Variants in AKAP11 observed in about 807,000 individuals in gnomAD.
AKAP11 encodes A-kinase anchoring protein 11, also known as A-kinase anchor protein 11.
In AKAP11, 36 loss-of-function variants were observed where a neutral mutation model predicts 146.1. The observed-to-expected ratio is 0.25, with a 90% CI of 0.19 to 0.33. The LOEUF is 0.33. AKAP11 is among the 10% of genes least tolerant of loss of function. The pLI is 1.00. For synonymous variants in AKAP11, 780 were observed against 786.5 expected, an observed-to-expected ratio of 0.99 and a Z score of 0.14; for missense variants, 2,201 against 2,197.0, an observed-to-expected ratio of 1.00 and a Z score of -0.04.
Position 42,299,823 on chromosome 13 carries a change from T to G in AKAP11, c.1077T>G (p.Phe359Leu). Residue 359 changes from phenylalanine to leucine, a missense_variant, in exon 8 of 13, where the codon TTT becomes TTG. Physicochemically the swap from Phe to Leu is conservative, Grantham distance 22 (BLOSUM62 0). Transcript: ENST00000025301. ...AAGTAAGTGAATTTTTTGATAGTTTTGATCAGTTTGATGAACTAGAACAAA... is the reference window on the plus strand; with the variant it reads ...AAGTAAGTGAATTTTTTGATAGTTTGGATCAGTTTGATGAACTAGAACAAA... ...DSEVSEFFDS[F>L]DQFDELEQTL... 6.2e-7 allele frequency: 1 copy of G among 1,613,822 alleles called. No homozygotes were observed. The highest frequency in any genetic ancestry group is 8.5e-7 in the Non-Finnish European group (1 of 1,179,874).
chr13:42,315,376 A>G (rs1329027202), intron 11 of AKAP11, among the ~76,000 whole-genome samples: 4 of 152,168 alleles, frequency 2.6e-5, no homozygotes, highest in African/African-American at 9.7e-5. Context: ...TTTGATATTG[A>G]TATTCCCCAC....
chr13:42,290,993 C>T (rs905992202), intron 3 of AKAP11, among the ~76,000 whole-genome samples: 1 of 152,138 alleles, frequency 6.6e-6, no homozygotes, highest in Non-Finnish European at 1.5e-5. Context: ...AAAGGTAGTA[C>T]ATGTATTCAA....
At chr13:42,274,045 A>G (rs186111496) in intron 1 of AKAP11, among the ~76,000 whole-genome samples, 21 of 152,346 alleles carry the variant, frequency 1.4e-4, no homozygotes, top group Non-Finnish European at 2.2e-4. Flanking sequence ...GTAGAAAAAT[A>G]AATTTTTTGG....
At chr13:42,291,366 C>T (rs1049106271) in intron 3 of AKAP11, among the ~76,000 whole-genome samples, 2 of 152,174 alleles carry the variant, frequency 1.3e-5, no homozygotes, top group Admixed American at 6.5e-5. Flanking sequence ...AATTCTTCTG[C>T]CTCAGCCTTC....
Position 42,317,550 on chromosome 13 carries a change from A to G in AKAP11, c.5427A>G (p.Thr1809=), listed in dbSNP as rs754628670. Residue 1809 remains threonine, a synonymous_variant, in exon 12 of 13, where the codon ACA becomes ACG. Transcript: ENST00000025301. The part of the protein sequence containing the change: ...EVEGLGQDGK[T]LLITNIDMEP... ...TAGGTTTGGGGCAAGATGGAAAGAC[A>G]CTGCTAATTACGAATATTGACATGG... The G allele has an allele frequency of 7.4e-6, 12 of 1,613,676 alleles. No individual in the cohort carries two copies. The highest frequency in any genetic ancestry group is 2.2e-5 in the East Asian group (1 of 44,892).
intron 4 of AKAP11, among the ~76,000 whole-genome samples, chr13:42,294,739 G>T (rs1437199707): frequency 1.3e-5 from 2 of 152,026 alleles, no homozygotes; most frequent in African/African-American, 4.8e-5. Context: ...AATACTCAAA[G>T]TAGAACAAAG....
chr13:42,321,275 T>G lies in AKAP11; in HGVS notation c.*2047T>G, dbSNP rs1319148080. On this transcript the variant is annotated 3_prime_UTR_variant, in exon 13 of 13. Transcript: ENST00000025301. ...TGATGATATATTATTTTGTGAAACT[T>G]TGTGTTTGAAAATGTTTATTTCTGT... 2 of 152,350 alleles carry G rather than the reference T, an allele frequency of 1.3e-5. No individual in the cohort carries two copies. The highest frequency in any genetic ancestry group is 1.3e-4 in the Admixed American group (2 of 15,284). The allele number at this position is 152,350 out of a possible 1,614,324, so 9.4% of individuals were successfully genotyped here. A position where few individuals can be genotyped will look rare whatever the true frequency, so the allele number is the denominator to read the frequency against.
At chr13:42,315,679 G>A (rs1282779211) in intron 11 of AKAP11, among the ~76,000 whole-genome samples, 1 of 152,168 alleles carries the variant, frequency 6.6e-6, no homozygotes, top group East Asian at 1.9e-4. Context: ...TAGAAATCAG[G>A]AGATTAATTA....
At position 42,301,493 on chromosome 13, in the gene AKAP11, C is replaced by G; in HGVS notation, c.2747C>G (p.Pro916Arg). ...YLTKSLKEKT[P>R]PFSHCDQAVL... is the part of the protein sequence containing the mutation. ...ACTAAATCTTTAAAGGAGAAAACCC[C>G]TCCATTTTCCCACTGTGATCAGGCA... The change falls in exon 8 of 13, where the codon CCT becomes CGT. Residue 916 changes from proline to arginine, a missense_variant. Physicochemically the swap from Pro to Arg is moderately radical, Grantham distance 103. Transcript: ENST00000025301. The G allele has an allele frequency of 6.2e-7, 1 of 1,613,822 alleles. No individual in the cohort carries two copies. The highest frequency in any genetic ancestry group is 8.5e-7 in the Non-Finnish European group (1 of 1,179,918).
In AKAP11 at chr13:42,299,970, C is replaced by A. The variant is rs761725738; in HGVS notation, c.1224C>A (p.Leu408=). 3.0e-5 allele frequency: 49 copies of A among 1,613,842 alleles called. No individual in the cohort carries two copies. Among genetic ancestry groups the A allele is most frequent in the Non-Finnish European group, 4.2e-5 (49 of 1,179,868 alleles). The stretch of plus-strand genomic sequence containing the variant: ...AATTCAAGTTTGATCGTCCAGCTCT[C>A]CCAGCTAATGTTAGAAAGCCAACTC... ...PQKFKFDRPA[L]PANVRKPTPR... Residue 408 remains leucine (L), a synonymous_variant, in exon 8 of 13, where the codon CTC becomes CTA. Coordinates refer to ENST00000025301, the MANE Select transcript of AKAP11 (RefSeq NM_016248.4).
chr13:42,278,998 T>C (rs1274290960), intron 1 of AKAP11, among the ~76,000 whole-genome samples: 1 of 152,138 alleles, frequency 6.6e-6, no homozygotes, highest in African/African-American at 2.4e-5. Flanking sequence ...CCGGTTCATA[T>C]AGATGTGAAG....
rs17063163 is a variant in AKAP11 at position 42,301,955 on chromosome 13, A to G, written c.3209A>G (p.His1070Arg). 7,908 of 1,614,170 alleles carry G rather than the reference A, an allele frequency of 4.9e-3. 31 individuals are homozygous for G. The highest frequency in any genetic ancestry group is 5.6e-3 in the Non-Finnish European group (6,575 of 1,180,012). ...FGQENPFPHS[H>R]TFSSTALTCV... ...CAGGAAAACCCCTTTCCTCATTCAC[A>G]TACTTTCTCATCTACAGCACTTACC... Residue 1070 changes from histidine to arginine, a missense_variant, in exon 8 of 13, where the codon CAT becomes CGT. His to Arg is a conservative substitution (Grantham distance 29, BLOSUM62 0). This residue lies in a region of AKAP11 where 1,867 missense variants were observed against 1,833.5 expected (regional missense o/e 1.02). Transcript: ENST00000025301.
At chr13:42,287,477 G>T (rs536556736) in intron 3 of AKAP11, among the ~76,000 whole-genome samples, 1 of 151,846 alleles carries the variant, frequency 6.6e-6, no homozygotes, top group Admixed American at 6.6e-5. Flanking sequence ...GTAGAGACGG[G>T]GTTTCACCGT....
At chr13:42,296,690 A>G (rs754761364) in intron 5 of AKAP11, among the ~76,000 whole-genome samples, 51 of 151,262 alleles carry the variant, frequency 3.4e-4, no homozygotes, top group Non-Finnish European at 6.5e-4. Flanking sequence ...CTAGCAAAAA[A>G]TTTTGTATGA....
chr13:42,319,940 T>A lies in AKAP11; in HGVS notation c.*712T>A, dbSNP rs1378251655. On this transcript the variant is annotated 3_prime_UTR_variant, in exon 13 of 13. Coordinates refer to ENST00000025301, the MANE Select transcript of AKAP11 (RefSeq NM_016248.4). ...GTGTGTGTGTGTGTGTGTGTGTGTG[T>A]GTGTGTGTGTAAGGGAGTACTTTAA... is the stretch of plus-strand genomic sequence containing the variant. The A allele has an allele frequency of 6.6e-6, 1 of 151,326 alleles. No homozygotes were observed. The highest frequency in any genetic ancestry group is 2.5e-5 in the African/African-American group (1 of 40,616). The allele number at this position is 151,326 out of a possible 1,614,324, so 9.4% of individuals were successfully genotyped here. A position where few individuals can be genotyped will look rare whatever the true frequency, so the allele number is the denominator to read the frequency against.
Position 42,308,462 on chromosome 13 carries a change from A to G in AKAP11, c.5126A>G (p.Glu1709Gly), listed in dbSNP as rs372740173. 15 of 1,585,910 alleles carry G rather than the reference A, an allele frequency of 9.5e-6. No homozygotes were observed. In the African/African-American group the frequency reaches 2.0e-4, roughly 21 times the overall value. ...NVGHAVSSSK[E>G]IEDFQSTESV... ...TTTTTTCTTCTTTTTAGTTCAAAAGAAATAGAAGACTTTCAGTCAACCGAG... is the reference window on the plus strand; with the variant it reads ...TTTTTTCTTCTTTTTAGTTCAAAAGGAATAGAAGACTTTCAGTCAACCGAG... The change falls in exon 9 of 13, where the codon GAA becomes GGA. Residue 1709 changes from glutamate (E) to glycine (G), a missense_variant. Glu to Gly is a moderately conservative substitution (Grantham distance 98). Around this residue, in one of 3 missense-constraint regions of AKAP11, gnomAD observed 1,867 missense variants for 1,833.5 expected, o/e 1.02. Coordinates refer to ENST00000025301, the MANE Select transcript of AKAP11 (RefSeq NM_016248.4).
At position 42,319,748 on chromosome 13, in the gene AKAP11, A is replaced by G. The variant is rs1368121793; in HGVS notation, c.*520A>G. 6.6e-6 allele frequency: 1 copy of G among 152,298 alleles called. No individual in the cohort carries two copies. Among genetic ancestry groups the G allele is most frequent in the East Asian group, 1.9e-4 (1 of 5,340 alleles). 9.4% of individuals were successfully genotyped at this position (152,298 alleles called of 1,614,324 possible). ...AAAATCAGTTTCATTTTCATATTTC[A>G]TAGATCAGCTATTGGTAGCTTTTTG... On this transcript the variant is annotated 3_prime_UTR_variant, in exon 13 of 13. Transcript: ENST00000025301.
At chr13:42,277,577 A>G (rs1394453573) in intron 1 of AKAP11, among the ~76,000 whole-genome samples, 3 of 152,240 alleles carry the variant, frequency 2.0e-5, no homozygotes, top group Admixed American at 1.3e-4. Flanking sequence ...GTTTGGGAAA[A>G]CAAAAGTGAC....
At chr13:42,292,343 A>G (rs1032237081) in intron 3 of AKAP11, 42 bp from the exon 4 acceptor site, 1 of 1,275,100 alleles carries the variant, frequency 7.8e-7, no homozygotes, top group Non-Finnish European at 1.1e-6. Context: ...TTGTCTTAGA[A>G]TTAAATAAAT....
Sources: allele counts gnomAD v4.1 joint callset (sites outside exome capture counted in the v4.1 genomes callset), GRCh38; gene constraint gnomAD v4.1.1; regional missense constraint gnomAD v4.1.1; transcripts MANE v1.5; gene names NCBI Gene and HGNC (gene_info 2026-07-23, HGNC 2026-07-21).